TANC2: variants seen among roughly 807,000 people sequenced by gnomAD.
The protein encoded by TANC2 is tetratricopeptide repeat, ankyrin repeat and coiled-coil containing 2.
Under a neutral mutation model 210.5 loss-of-function variants are expected in TANC2, and 26 were observed. That is an observed-to-expected ratio of 0.12 (90% confidence interval 0.09 to 0.17). TANC2 has a LOEUF of 0.17. Among genes scored for constraint, TANC2 ranks in the 10% least tolerant of loss-of-function variants. The pLI, the probability that TANC2 is intolerant of heterozygous loss-of-function variation, is 1.00. For synonymous variants in TANC2, 931 were observed against 967.1 expected (o/e 0.96, Z 0.69); for missense variants, 2,129 against 2,608.9 (o/e 0.82, Z 4.01).
At chr17:62,972,428 CTTTG>C (rs767996935) in intron 1 of TANC2, among the ~76,000 whole-genome samples, 1 of 152,128 alleles carries the variant, frequency 6.6e-6, no homozygotes, top group Non-Finnish European at 1.5e-5. Flanking sequence ...AAACTCCTTT[CTTTG>C]TTTATCAGAA....
intron 2 of TANC2, among the ~76,000 whole-genome samples, chr17:63,021,521 G>A (rs1165526304): frequency 6.6e-6 from 1 of 152,200 alleles, no homozygotes; most frequent in Non-Finnish European, 1.5e-5. Context: ...GCATCACGAG[G>A]CCCTCAACAG....
At chr17:63,198,341 T>C (rs140305978) in intron 6 of TANC2, among the ~76,000 whole-genome samples, 219 of 152,194 alleles carry the variant, frequency 1.4e-3, no homozygotes, top group African/African-American at 5.1e-3. Flanking sequence ...AGTAGAGGCA[T>C]GCACCACCAC....
chr17:63,300,754 G>A (rs1207948003), intron 9 of TANC2, among the ~76,000 whole-genome samples: 1 of 152,052 alleles, frequency 6.6e-6, no homozygotes, highest in African/African-American at 2.4e-5. Flanking sequence ...CTCTTCCTAT[G>A]TGAATACACT....
intron 4 of TANC2, among the ~76,000 whole-genome samples, chr17:63,145,143 T>C (rs1303713911): frequency 2.0e-5 from 3 of 152,186 alleles, no homozygotes; most frequent in African/African-American, 7.2e-5. Flanking sequence ...TTCTTCAGGA[T>C]GTTGCTTATG....
chr17:63,179,529 A>G (rs1050241755), intron 5 of TANC2, among the ~76,000 whole-genome samples: 9 of 152,222 alleles, frequency 5.9e-5, no homozygotes, highest in Non-Finnish European at 4.4e-5. Context: ...TACAGTCATC[A>G]CTACTACTAC....
intron 3 of TANC2, among the ~76,000 whole-genome samples, chr17:63,091,411 T>C (rs944381735): frequency 6.6e-6 from 1 of 152,192 alleles, no homozygotes; most frequent in Non-Finnish European, 1.5e-5. Context: ...AGGGATCCAG[T>C]TTCAGCTTTC....
At chr17:63,258,453 C>T (rs909900451) in intron 8 of TANC2, among the ~76,000 whole-genome samples, 1 of 152,134 alleles carries the variant, frequency 6.6e-6, no homozygotes, top group African/African-American at 2.4e-5. Context: ...CTCTTTAATG[C>T]CCAAGGCAGA....
intron 3 of TANC2, among the ~76,000 whole-genome samples, chr17:63,074,841 A>T (rs1177861335): frequency 1.3e-5 from 2 of 152,196 alleles, no homozygotes; most frequent in East Asian, 3.8e-4. Context: ...ACAATCATTT[A>T]TTGAGTTTGG....
chr17:63,242,945 A>G (rs893303888), intron 8 of TANC2, among the ~76,000 whole-genome samples: 1 of 152,200 alleles, frequency 6.6e-6, no homozygotes, highest in African/African-American at 2.4e-5. Context: ...ATCTGTAGGC[A>G]TAGATTGCCT....
chr17:63,325,608 T>A (rs1470129457), intron 11 of TANC2, among the ~76,000 whole-genome samples: 1 of 152,244 alleles, frequency 6.6e-6, no homozygotes, highest in Non-Finnish European at 1.5e-5. Flanking sequence ...GGGTCATAGC[T>A]ATATTACTCA....
At chr17:63,009,767 C>T (rs530651907) in intron 2 of TANC2, 141 bp downstream of exon 2, 6 of 682,996 alleles carry the variant, frequency 8.8e-6, no homozygotes, top group Admixed American at 2.7e-5. Flanking sequence ...GGCTTTCATA[C>T]GCTTTATTAA....
chr17:63,314,193 G>A (rs2045232715), intron 9 of TANC2, among the ~76,000 whole-genome samples, 195 bp from the exon 10 acceptor site: 1 of 152,220 alleles, frequency 6.6e-6, no homozygotes, highest in South Asian at 2.1e-4. Context: ...GCAATTTACA[G>A]TATCAATTAG....
chr17:63,414,287 A>C (rs1391210415), intron 25 of TANC2: 2 of 152,226 alleles, frequency 1.3e-5, no homozygotes, highest in Non-Finnish European at 2.9e-5. Context: ...TTTTGGCAGC[A>C]GTCATCACTG....
chr17:63,381,266 T>C (rs1598987104), intron 15 of TANC2: 2 of 152,236 alleles, frequency 1.3e-5, no homozygotes, highest in South Asian at 4.1e-4. Context: ...TTTTATCTTA[T>C]ACTGATGCAG....
At position 63,073,932 on chromosome 17, in the gene TANC2, AT is replaced by A. The variant is rs2036486449; in HGVS notation, c.68-7del. ...TATCTATTTGCTTATGCTCCTTTTA[AT>A]TTTATGCAGATGGAGGGAGCGAGGA... On this transcript the variant is annotated splice_polypyrimidine_tract_variant and intron_variant, in intron 2 of 27. Coordinates refer to ENST00000689528, the Ensembl canonical transcript of TANC2. The A allele has an allele frequency of 1.3e-6, 2 of 1,571,602 alleles. No homozygotes were observed. Among genetic ancestry groups the A allele is most frequent in the Admixed American group, 1.8e-5 (1 of 54,098 alleles).
intron 4 of TANC2, among the ~76,000 whole-genome samples, chr17:63,142,193 C>G (rs2145320756): frequency 6.6e-6 from 1 of 152,290 alleles, no homozygotes; most frequent in East Asian, 1.9e-4. Flanking sequence ...CTTCTTAAGG[C>G]AGTTGTTAGG....
exon 28 of TANC2, chr17:63,426,675 G>A (rs542721201): frequency 1.3e-5 from 2 of 152,312 alleles, no homozygotes; most frequent in African/African-American, 4.8e-5. Flanking sequence ...TCATCTCATT[G>A]CCTCCTGCTG....
intron 4 of TANC2, among the ~76,000 whole-genome samples, chr17:63,105,262 C>G (rs901816404): frequency 6.6e-6 from 1 of 151,642 alleles, no homozygotes; most frequent in Non-Finnish European, 1.5e-5. Context: ...GACCATGTGG[C>G]AATCCAATTT....
At chr17:63,317,803 A>T (rs73325733) in intron 10 of TANC2, among the ~76,000 whole-genome samples, 3,205 of 152,348 alleles carry the variant, frequency 0.021, 105 homozygotes, top group African/African-American at 0.072. Flanking sequence ...TAAGGTGTTT[A>T]GACAAAAAGG....
Sources: allele counts gnomAD v4.1 joint callset (sites outside exome capture counted in the v4.1 genomes callset), GRCh38; gene constraint gnomAD v4.1.1; transcripts MANE v1.5; gene names NCBI Gene and HGNC (gene_info 2026-07-23, HGNC 2026-07-21).